BMPER: variants seen among roughly 807,000 people sequenced by gnomAD.
BMPER encodes BMP binding endothelial regulator, also known as BMP-binding endothelial regulator protein.
BMPER carries 45 observed loss-of-function variants against 87.3 expected under a neutral mutation model. The observed-to-expected ratio is 0.52, with a 90% confidence interval of 0.41 to 0.66. The LOEUF is 0.66. BMPER is among the 30% of genes least tolerant of loss of function. The pLI is 0.00. For missense variants in BMPER, 784 were observed against 867.5 expected, an observed-to-expected ratio of 0.90 and a Z score of 1.21; for synonymous variants, 326 against 316.2, an observed-to-expected ratio of 1.03 and a Z score of -0.33.
chr7:34,096,044 C>T (rs569076310), intron 13 of BMPER, among the ~76,000 whole-genome samples: 8 of 152,258 alleles, frequency 5.3e-5, no homozygotes, highest in South Asian at 2.1e-4. Flanking sequence ...TCTTTCTCCT[C>T]GTCACATCAC....
At chr7:33,984,164 A>G (rs1252383392) in intron 6 of BMPER, among the ~76,000 whole-genome samples, 2 of 152,188 alleles carry the variant, frequency 1.3e-5, no homozygotes, top group Non-Finnish European at 2.9e-5. Flanking sequence ...TCCCAAAAAT[A>G]GATAAAAATA....
chr7:34,123,387 A>T (rs1321930655), intron 13 of BMPER, among the ~76,000 whole-genome samples: 2 of 152,184 alleles, frequency 1.3e-5, no homozygotes, highest in African/African-American at 4.8e-5. Flanking sequence ...ACTCCTAGAG[A>T]TGAGGTCAAC....
chr7:33,983,806 A>G (rs961887507), intron 6 of BMPER, among the ~76,000 whole-genome samples: 3 of 152,220 alleles, frequency 2.0e-5, no homozygotes, highest in Non-Finnish European at 4.4e-5. Context: ...TATGGAGTGA[A>G]GAACGACCAG....
chr7:33,960,655 G>A (rs1386495838), intron 3 of BMPER, among the ~76,000 whole-genome samples: 1 of 152,198 alleles, frequency 6.6e-6, no homozygotes, highest in African/African-American at 2.4e-5. Context: ...AATAGATTTT[G>A]AAAGGAAAAG....
chr7:33,948,585 C>T (rs752147324), intron 3 of BMPER, among the ~76,000 whole-genome samples: 1 of 152,108 alleles, frequency 6.6e-6, no homozygotes, highest in Non-Finnish European at 1.5e-5. Flanking sequence ...AGGTGATTTC[C>T]CACTTACTGT....
chr7:34,058,038 A>G (rs757346922), intron 9 of BMPER, 21 bp from the exon 10 acceptor site: 1 of 1,609,958 alleles, frequency 6.2e-7, no homozygotes, highest in Non-Finnish European at 8.5e-7. Flanking sequence ...TGCTGACAGG[A>G]TCCTGTGCCC....
intron 11 of BMPER, among the ~76,000 whole-genome samples, chr7:34,072,195 C>T (rs1392284468): frequency 2.0e-5 from 3 of 152,228 alleles, no homozygotes; most frequent in African/African-American, 4.8e-5. Context: ...ACTGAAAATA[C>T]AGAAAGCATC....
intron 3 of BMPER, among the ~76,000 whole-genome samples, chr7:33,944,932 C>T (rs540375643): frequency 2.0e-5 from 3 of 152,138 alleles, no homozygotes; most frequent in Non-Finnish European, 4.4e-5. Flanking sequence ...TCAGAGATAA[C>T]ATTATTCCTG....
At chr7:33,957,580 CCAGA>C (rs781640471) in intron 3 of BMPER, among the ~76,000 whole-genome samples, 25 of 151,776 alleles carry the variant, frequency 1.6e-4, no homozygotes, top group African/African-American at 2.9e-4. Flanking sequence ...ACACACACAC[CCAGA>C]CAGACACAAA....
In BMPER at chr7:34,136,437, A is replaced by G. The variant is rs79584064; in HGVS notation, c.1746-6793A>G. Reference sequence around the variant, plus strand: ...TTGGCTACTACCTTTAGTTGTCTCCATGCAACTCAGATTAGGGAAATTAGG... The same window carrying G: ...TTGGCTACTACCTTTAGTTGTCTCCGTGCAACTCAGATTAGGGAAATTAGG... On this transcript the variant is annotated intron_variant, in intron 13 of 14. Coordinates refer to ENST00000649409, the MANE Select transcript of BMPER (RefSeq NM_001365308.1). Among the ~76,000 whole-genome samples the G allele has an allele frequency of 4.4e-3, 675 of 152,312 alleles. 3 individuals are homozygous for G. Among genetic ancestry groups the G allele is most frequent in the African/African-American group, 0.014 (601 of 41,566 alleles).
chr7:34,100,537 C>T (rs1789654574), intron 13 of BMPER, among the ~76,000 whole-genome samples: 1 of 152,206 alleles, frequency 6.6e-6, no homozygotes, highest in African/African-American at 2.4e-5. Flanking sequence ...GCTCTGTGTG[C>T]TTCCTGTGCT....
chr7:33,990,323 T>A (rs888265222), intron 6 of BMPER, among the ~76,000 whole-genome samples: 4 of 137,162 alleles, frequency 2.9e-5, no homozygotes, highest in Admixed American at 7.8e-5. Context: ...CTTGAAGAGG[T>A]CCTTCACATC....
At chr7:34,053,606 G>T (rs1788201924) in intron 8 of BMPER, among the ~76,000 whole-genome samples, 1 of 152,112 alleles carries the variant, frequency 6.6e-6, no homozygotes, top group Non-Finnish European at 1.5e-5. Context: ...AATGAAGTAA[G>T]CTAGAGAAAA....
intron 4 of BMPER, among the ~76,000 whole-genome samples, chr7:33,968,058 G>T (rs1206690992): frequency 6.6e-6 from 1 of 152,174 alleles, no homozygotes; most frequent in African/African-American, 2.4e-5. Context: ...TCTCTGGTCA[G>T]TAGGGCCCAG....
chr7:33,924,784 C>T (rs1784322029), intron 2 of BMPER, among the ~76,000 whole-genome samples: 2 of 152,182 alleles, frequency 1.3e-5, no homozygotes, highest in South Asian at 4.1e-4. Context: ...TCTCCTGCCT[C>T]AATCTCCTGA....
intron 12 of BMPER, 48 bp downstream of exon 12, chr7:34,079,234 C>T: frequency 6.2e-7 from 1 of 1,607,584 alleles, no homozygotes; most frequent in Non-Finnish European, 8.5e-7. Context: ...GCCTCACTTA[C>T]CCGTTCAGCA....
At position 34,089,226 on chromosome 7, in the gene BMPER, G is replaced by C. The variant is rs977631937; in HGVS notation, c.1745+3134G>C. 4.6e-5 allele frequency among the ~76,000 whole-genome samples: 7 copies of C among 152,060 alleles called. No individual in the cohort carries two copies. The East Asian group carries it at 1.4e-3, about 30-fold the overall frequency. ...AAAAATATCTGTATTTTCCTTTAAG[G>C]ACAAAGAATGAAGTAGCATAACACA... On this transcript the variant is annotated intron_variant, in intron 13 of 14. Transcript: ENST00000649409.
At chr7:34,067,352 AGGAGGG>A (rs1382883721) in intron 11 of BMPER, 2 of 152,184 alleles carry the variant, frequency 1.3e-5, no homozygotes, top group African/African-American at 4.8e-5. Context: ...GAATGGCTGT[AGGAGGG>A]GGAGACTATA....
chr7:34,077,453 A>G (rs909817992), intron 11 of BMPER, among the ~76,000 whole-genome samples: 1 of 152,138 alleles, frequency 6.6e-6, no homozygotes, highest in African/African-American at 2.4e-5. Flanking sequence ...TCTCCCACCT[A>G]CTTCTTCCAC....
Sources: gnomAD v4.1 joint callset for allele counts (sites outside exome capture counted in the v4.1 genomes callset) on GRCh38, gnomAD v4.1.1 for gene constraint, MANE v1.5 for transcripts, NCBI Gene and HGNC (gene_info 2026-07-23, HGNC 2026-07-21) for gene names.